Variants in C12orf54 observed in about 807,000 individuals in gnomAD.
The protein encoded by C12orf54 is uncharacterized protein C12orf54.
In C12orf54, 24 loss-of-function variants were observed where a neutral mutation model predicts 26.4. The observed-to-expected ratio is 0.91, with a 90% confidence interval of 0.66 to 1.28. The LOEUF is 1.28. Ranked by LOEUF, C12orf54 falls within the 50% of genes most tolerant of loss-of-function variation. The probability of loss-of-function intolerance (pLI) is 0.00; values close to 1 mark genes in which losing one functional copy is unlikely to be tolerated. For synonymous variants in C12orf54, 54 were observed against 47.0 expected, an observed-to-expected ratio of 1.15 and a Z score of -0.61; for missense variants, 154 against 150.9, an observed-to-expected ratio of 1.02 and a Z score of -0.11.
At chr12:48,436,149 A>G in the C12orf54 span, among the ~76,000 whole-genome samples, 4 of 152,232 alleles carry the variant, frequency 2.6e-5, no homozygotes, top group African/African-American at 9.6e-5. Context: ...ACAAAGATCA[A>G]AAGAGAAAAA....
chr12:48,454,254 C>T, the C12orf54 span, among the ~76,000 whole-genome samples: 2 of 152,000 alleles, frequency 1.3e-5, no homozygotes, highest in African/African-American at 2.4e-5. Context: ...TACACCACCA[C>T]ATCCAGTTAA....
the C12orf54 span, among the ~76,000 whole-genome samples, chr12:48,418,875 G>A: frequency 6.6e-6 from 1 of 150,892 alleles, no homozygotes; most frequent in African/African-American, 2.4e-5. Context: ...ATAGCCCAGA[G>A]ATAGCCTAGA....
chr12:48,455,186 G>C, the C12orf54 span, among the ~76,000 whole-genome samples: 1 of 152,182 alleles, frequency 6.6e-6, no homozygotes, highest in African/African-American at 2.4e-5. Flanking sequence ...TTATAAATAA[G>C]AACATGCACG....
At chr12:48,426,184 C>T in the C12orf54 span, among the ~76,000 whole-genome samples, 1 of 151,982 alleles carries the variant, frequency 6.6e-6, no homozygotes, top group Admixed American at 6.6e-5. Context: ...AATGGTATTG[C>T]CTAGGTTGTC....
At position 48,487,758 on chromosome 12, in the gene C12orf54, T is replaced by C. The variant is rs139385802; in HGVS notation, c.135+1032T>C. ...TTATATACAAATTGAAACTCCTAAATATCTACATACACTATATTTCCACCA... is the reference window on the plus strand; with the variant it reads ...TTATATACAAATTGAAACTCCTAAACATCTACATACACTATATTTCCACCA... On this transcript the variant is annotated intron_variant, in intron 4 of 8. Transcript: ENST00000548364. 15 of 333,566 alleles carry C rather than the reference T, an allele frequency of 4.5e-5. No individual in the cohort carries two copies. The East Asian group carries it at 7.1e-4, about 16-fold the overall frequency. 20.7% of individuals were successfully genotyped at this position (333,566 alleles called of 1,614,324 possible).
chr12:48,433,467 G>GCA, the C12orf54 span, among the ~76,000 whole-genome samples: 1 of 141,920 alleles, frequency 7.0e-6, no homozygotes, highest in Non-Finnish European at 1.5e-5. Flanking sequence ...GGGGGGGGGG[G>GCA]GGCAGGATCT....
the C12orf54 span, among the ~76,000 whole-genome samples, chr12:48,437,745 A>G: frequency 5.3e-4 from 80 of 152,342 alleles, no homozygotes; most frequent in African/African-American, 1.8e-3. Context: ...TATTGATGGG[A>G]CGTATCTCAA....
rs569470144 is a variant in C12orf54, at chr12:48,492,674, C to G, written c.194-273C>G. Among the ~76,000 whole-genome samples the G allele has an allele frequency of 2.0e-5, 3 of 152,288 alleles. No individual in the cohort carries two copies. The East Asian group carries it at 5.8e-4, about 29-fold the overall frequency. ...TACCAGGGACTTGTTCCAGTGGCAG[C>G]GCCCTGGGATGGAAACATTTCTCTA... On this transcript the variant is annotated intron_variant, in intron 6 of 8. Transcript: ENST00000548364.
At chr12:48,467,488 A>G in the C12orf54 span, among the ~76,000 whole-genome samples, 1 of 152,226 alleles carries the variant, frequency 6.6e-6, no homozygotes, top group Admixed American at 6.5e-5. Flanking sequence ...GTACATAATA[A>G]CAGGAATCTC....
the C12orf54 span, among the ~76,000 whole-genome samples, chr12:48,456,220 GGAGAGAGTCTCTGCCTTTAA>G: frequency 6.6e-6 from 1 of 152,172 alleles, no homozygotes; most frequent in African/African-American, 2.4e-5. Context: ...AAGACGAGTA[GGAGAGAGTCTCTGCCTTTAA>G]GACACTCACA....
the C12orf54 span, among the ~76,000 whole-genome samples, chr12:48,419,990 G>GA: frequency 6.6e-6 from 1 of 151,586 alleles, no homozygotes; most frequent in Non-Finnish European, 1.5e-5. Context: ...AATCCAAAAA[G>GA]AAAAAAGAGA....
chr12:48,447,240 G>A, the C12orf54 span, among the ~76,000 whole-genome samples: 1 of 151,960 alleles, frequency 6.6e-6, no homozygotes, highest in African/African-American at 2.4e-5. Context: ...GTGTGTGTGT[G>A]TGTGTGTGTG....
At chr12:48,471,618 GT>G in the C12orf54 span, among the ~76,000 whole-genome samples, 1 of 152,082 alleles carries the variant, frequency 6.6e-6, no homozygotes, top group African/African-American at 2.4e-5. Context: ...CCCATTGCTT[GT>G]TTTTCTTGGT....
chr12:48,464,266 C>G, the C12orf54 span, among the ~76,000 whole-genome samples: 1 of 152,034 alleles, frequency 6.6e-6, no homozygotes, highest in African/African-American at 2.4e-5. Context: ...AGTAGCATTT[C>G]TATACACCAA....
At chr12:48,434,330 C>A in the C12orf54 span, among the ~76,000 whole-genome samples, 1 of 152,220 alleles carries the variant, frequency 6.6e-6, no homozygotes. Context: ...GGCTCCACCT[C>A]TGGGGGCAGG....
chr12:48,414,481 C>G, the C12orf54 span, among the ~76,000 whole-genome samples: 2 of 152,236 alleles, frequency 1.3e-5, no homozygotes, highest in Non-Finnish European at 2.9e-5. Flanking sequence ...TGCATGGGCT[C>G]TGGTTTCAGT....
intron 8 of C12orf54, among the ~76,000 whole-genome samples, chr12:48,495,764 C>A (rs1204461597): frequency 6.6e-6 from 1 of 152,192 alleles, no homozygotes; most frequent in African/African-American, 2.4e-5. Context: ...CTTGAATAGT[C>A]CCCTTTCAAA....
the C12orf54 span, among the ~76,000 whole-genome samples, chr12:48,462,007 G>A: frequency 3.3e-5 from 5 of 151,570 alleles, no homozygotes; most frequent in Non-Finnish European, 1.5e-5. Flanking sequence ...TGGAGGGAGA[G>A]AGATGGATAG....
Position 48,492,978 on chromosome 12 carries a change from A to G in C12orf54, c.225A>G (p.Thr75=). The change falls in exon 7 of 9, where the codon ACA becomes ACG. Residue 75 remains threonine (T), a synonymous_variant. Transcript: ENST00000548364. ...GCAACTGCTCCATGACACCCATGACATCAGCACCCAGGACTGGGTAAGTGT... is the reference window on the plus strand; with the variant it reads ...GCAACTGCTCCATGACACCCATGACGTCAGCACCCAGGACTGGGTAAGTGT... ...GMSNCSMTPM[T]SAPRTGSIRP... 6.2e-7 allele frequency: 1 copy of G among 1,614,064 alleles called. No individual in the cohort carries two copies. Among genetic ancestry groups the G allele is most frequent in the Non-Finnish European group, 8.5e-7 (1 of 1,179,934 alleles).
Sources: allele counts gnomAD v4.1 joint callset (sites outside exome capture counted in the v4.1 genomes callset), GRCh38; gene constraint gnomAD v4.1.1; transcripts MANE v1.5; gene names NCBI Gene and HGNC (gene_info 2026-07-23, HGNC 2026-07-21).